CNTNAP2: variants seen among roughly 807,000 people sequenced by gnomAD.
The protein encoded by CNTNAP2 is contactin associated protein 2.
CNTNAP2 carries 98 observed loss-of-function variants against 155.2 expected under a neutral mutation model. That is an observed-to-expected ratio of 0.63 (90% confidence interval 0.54 to 0.75). The LOEUF is 0.75. CNTNAP2 is among the 30% of genes least tolerant of loss of function. The pLI, the probability that CNTNAP2 is intolerant of heterozygous loss-of-function variation, is 0.00. For missense variants in CNTNAP2, 1,727 were observed against 1,688.1 expected (o/e 1.02, Z -0.40); for synonymous variants, 651 against 631.2 (o/e 1.03, Z -0.47).
chr7:146,929,039 C>T (rs1456437530), intron 3 of CNTNAP2, among the ~76,000 whole-genome samples: 1 of 152,206 alleles, frequency 6.6e-6, no homozygotes, highest in Non-Finnish European at 1.5e-5. Flanking sequence ...CAGCAGTAAC[C>T]TCTGCAGACT....
intron 13 of CNTNAP2, among the ~76,000 whole-genome samples, chr7:147,889,676 A>G (rs1163221966): frequency 6.6e-6 from 1 of 152,190 alleles, no homozygotes; most frequent in Non-Finnish European, 1.5e-5. Context: ...AAGTGTACAG[A>G]GCAGCAGTAT....
chr7:148,086,093 G>A (rs1368813355), intron 15 of CNTNAP2, among the ~76,000 whole-genome samples: 1 of 152,140 alleles, frequency 6.6e-6, no homozygotes, highest in Admixed American at 6.5e-5. Context: ...GAAGAAAAAG[G>A]AGTCTCAGGA....
chr7:148,350,187 C>T (rs975567251), intron 21 of CNTNAP2, among the ~76,000 whole-genome samples: 5 of 152,182 alleles, frequency 3.3e-5, no homozygotes, highest in African/African-American at 1.2e-4. Flanking sequence ...ACAGCTAAGA[C>T]TATCTGCGGA....
At chr7:148,211,423 C>T (rs988694932) in intron 18 of CNTNAP2, among the ~76,000 whole-genome samples, 11 of 152,206 alleles carry the variant, frequency 7.2e-5, no homozygotes, top group African/African-American at 1.9e-4. Flanking sequence ...TTTGCTTGAG[C>T]GACTACCTTG....
At chr7:147,066,212 T>C (rs1055416412) in intron 4 of CNTNAP2, among the ~76,000 whole-genome samples, 19 of 152,188 alleles carry the variant, frequency 1.2e-4, no homozygotes, top group African/African-American at 3.9e-4. Flanking sequence ...TTAAACTGAA[T>C]TGAAGATGCT....
chr7:147,824,354 T>C (rs1219506717), intron 13 of CNTNAP2, among the ~76,000 whole-genome samples: 1 of 152,190 alleles, frequency 6.6e-6, no homozygotes, highest in Non-Finnish European at 1.5e-5. Flanking sequence ...CTGGCTATGA[T>C]GACGAAGTCT....
chr7:146,424,697 A>G (rs1796062698), intron 1 of CNTNAP2, among the ~76,000 whole-genome samples: 1 of 151,962 alleles, frequency 6.6e-6, no homozygotes, highest in African/African-American at 2.4e-5. Context: ...ATGCCAGTCA[A>G]GCGCTAACTT....
chr7:147,399,028 C>T (rs902660579), intron 10 of CNTNAP2, among the ~76,000 whole-genome samples: 2 of 152,046 alleles, frequency 1.3e-5, no homozygotes, highest in Non-Finnish European at 2.9e-5. Flanking sequence ...TACTGCAAGA[C>T]TTGAAAGAGG....
At chr7:146,196,428 A>G (rs1326386015) in intron 1 of CNTNAP2, among the ~76,000 whole-genome samples, 1 of 152,154 alleles carries the variant, frequency 6.6e-6, no homozygotes, top group African/African-American at 2.4e-5. Context: ...AGCCAAGCAC[A>G]TGGGAGTTTT....
At chr7:147,066,132 A>G (rs1010359205) in intron 4 of CNTNAP2, among the ~76,000 whole-genome samples, 2 of 152,242 alleles carry the variant, frequency 1.3e-5, no homozygotes, top group African/African-American at 4.8e-5. Context: ...ACTAGAAGGC[A>G]ACAAAGGTCA....
intron 11 of CNTNAP2, among the ~76,000 whole-genome samples, chr7:147,536,218 T>C (rs1204503020): frequency 2.6e-5 from 4 of 152,222 alleles, no homozygotes; most frequent in African/African-American, 7.2e-5. Flanking sequence ...CTCCAATTAC[T>C]CTTCATCTGT....
chr7:146,155,097 G>C (rs1798105368), intron 1 of CNTNAP2, among the ~76,000 whole-genome samples: 2 of 152,104 alleles, frequency 1.3e-5, no homozygotes, highest in Admixed American at 6.6e-5. Context: ...TCACAGATGA[G>C]AAAATTGAGG....
At chr7:147,699,089 T>C (rs1173351521) in intron 13 of CNTNAP2, among the ~76,000 whole-genome samples, 1 of 151,974 alleles carries the variant, frequency 6.6e-6, no homozygotes, top group Non-Finnish European at 1.5e-5. Context: ...AAAGGGGTAG[T>C]AGTGCCCTTA....
Position 146,943,580 on chromosome 7 carries a change from A to G in CNTNAP2, c.403-100327A>G, listed in dbSNP as rs533688805. Among the ~76,000 whole-genome samples the G allele has an allele frequency of 5.3e-5, 8 of 152,334 alleles. No individual in the cohort carries two copies. In the South Asian group the frequency reaches 1.7e-3, roughly 32 times the overall value. The stretch of plus-strand genomic sequence containing the variant: ...ATTTATCAATACTCTAAGTTACATC[A>G]TCTGTTTACAAGGTGAATTGTTGGT... On this transcript the variant is annotated intron_variant, in intron 3 of 23. Coordinates refer to ENST00000361727, the MANE Select transcript of CNTNAP2 (RefSeq NM_014141.6).
At chr7:148,179,528 A>AGAGAGAGGGAGT (rs1794998736) in intron 18 of CNTNAP2, among the ~76,000 whole-genome samples, 1 of 132,466 alleles carries the variant, frequency 7.5e-6, no homozygotes, top group Non-Finnish European at 1.6e-5. Flanking sequence ...GGAGAGAGGG[A>AGAGAGAGGGAGT]GAGAGAGGGA....
chr7:147,138,967 C>T (rs903629122), intron 8 of CNTNAP2, among the ~76,000 whole-genome samples: 12 of 150,506 alleles, frequency 8.0e-5, no homozygotes, highest in African/African-American at 2.2e-4. Flanking sequence ...ACAAATAAAT[C>T]GAAGAGAAAA....
At chr7:146,852,138 A>C (rs933099315) in intron 3 of CNTNAP2, among the ~76,000 whole-genome samples, 7 of 152,182 alleles carry the variant, frequency 4.6e-5, no homozygotes, top group Non-Finnish European at 7.3e-5. Context: ...GAACATGAAC[A>C]TATGAATTTT....
At chr7:146,341,863 C>A (rs1794734977) in intron 1 of CNTNAP2, among the ~76,000 whole-genome samples, 1 of 152,104 alleles carries the variant, frequency 6.6e-6, no homozygotes, top group African/African-American at 2.4e-5. Flanking sequence ...CTCAAAGCAT[C>A]TTTTGGGGTA....
chr7:147,049,025 G>A (rs113947845), intron 4 of CNTNAP2, among the ~76,000 whole-genome samples: 34 of 152,298 alleles, frequency 2.2e-4, no homozygotes, highest in African/African-American at 6.0e-4. Flanking sequence ...GAACACAGGT[G>A]TATTTCTTAC....
Sources: gnomAD v4.1 joint callset for allele counts (sites outside exome capture counted in the v4.1 genomes callset) on GRCh38, gnomAD v4.1.1 for gene constraint, MANE v1.5 for transcripts, NCBI Gene and HGNC (gene_info 2026-07-23, HGNC 2026-07-21) for gene names.